PSG11: variants seen among roughly 807,000 people sequenced by gnomAD.
PSG11 encodes pregnancy-specific beta-1-glycoprotein 11.
PSG11 carries 42 observed loss-of-function variants against 36.0 expected under a neutral mutation model. The observed-to-expected ratio is 1.17, with a 90% CI of 0.91 to 1.51. The LOEUF is 1.51. Ranked by LOEUF, PSG11 falls within the 40% of genes most tolerant of loss-of-function variation. PSG11 has a pLI of 0.00. For synonymous variants in PSG11, 206 were observed against 153.5 expected, an observed-to-expected ratio of 1.34 and a Z score of -2.53; for missense variants, 558 against 403.5, an observed-to-expected ratio of 1.38 and a Z score of -3.28.
intron 1 of PSG11, among the ~76,000 whole-genome samples, chr19:43,025,895 G>A (rs2122839846): frequency 7.1e-6 from 1 of 139,940 alleles, no homozygotes; most frequent in Admixed American, 7.1e-5. Flanking sequence ...CCCTATCCAG[G>A]CATCAACAGG....
chr19:43,025,353 C>G, intron 1 of PSG11: 2 of 426,020 alleles, frequency 4.7e-6, no homozygotes, highest in South Asian at 6.1e-5. Context: ...GTCCGCATGG[C>G]CCCCTCCACA....
At chr19:43,020,060 C>G (rs1401482283) in intron 2 of PSG11, among the ~76,000 whole-genome samples, 1 of 151,260 alleles carries the variant, frequency 6.6e-6, no homozygotes, top group Non-Finnish European at 1.5e-5. Context: ...CAGAGTGAAT[C>G]AGAGTGTAGA....
rs764002808 is a variant in PSG11, at chr19:43,024,947, C to A, written c.174G>T (p.Leu58Phe). 3.1e-6 allele frequency: 5 copies of A among 1,611,780 alleles called. 1 individual carries two copies. The highest frequency in any genetic ancestry group is 4.2e-6 in the Non-Finnish European group (5 of 1,179,058). Residue 58 changes from leucine (L) to phenylalanine (F), a missense_variant, in exon 2 of 6, where the codon TTG becomes TTT. Transcript: ENST00000320078. The part of the protein sequence containing the change: ...GKDVLLLVHN[L>F]PQNLTGYIWY... ...AGATGTAGCCAGTAAGATTCTGGGGCAAATTGTGGACAAGTAGAAGAACAT... is the reference window on the plus strand; with the variant it reads ...AGATGTAGCCAGTAAGATTCTGGGGAAAATTGTGGACAAGTAGAAGAACAT...
At position 43,025,229 on chromosome 19, in the gene PSG11, T is replaced by C. The variant is rs1034428429; in HGVS notation, c.65-173A>G. Reference sequence around the variant, plus strand: ...GAAAAGGGGCATGTGTGTTTGTGTATGTGTATGTGTGTGTGTTCTACTGTC... The same window carrying C: ...GAAAAGGGGCATGTGTGTTTGTGTACGTGTATGTGTGTGTGTTCTACTGTC... On this transcript the variant is annotated intron_variant, in intron 1 of 5. Coordinates refer to ENST00000320078, the MANE Select transcript of PSG11 (RefSeq NM_002785.3). The C allele has an allele frequency of 4.6e-5, 53 of 1,158,710 alleles. 1 individual carries two copies. The highest frequency in any genetic ancestry group is 2.3e-4 in the Admixed American group (9 of 38,404). The allele number at this position is 1,158,710 out of a possible 1,614,324, so 71.8% of individuals were successfully genotyped here.
In PSG11 at chr19:43,015,375, A is replaced by G. The variant is rs752908500; in HGVS notation, c.710-5T>C. On this transcript the variant is annotated splice_region_variant and splice_polypyrimidine_tract_variant and intron_variant, in intron 3 of 5. Transcript: ENST00000320078. ...TTCTGGGGAGGTCTGGACCATCTGG[A>G]GGAAAGAGAATAAAGCCACAGTTGA... 2 of 1,606,448 alleles carry G rather than the reference A, an allele frequency of 1.2e-6. No homozygotes were observed. Among genetic ancestry groups the G allele is most frequent in the East Asian group, 4.5e-5 (2 of 44,756 alleles).
intron 2 of PSG11, chr19:43,024,424 G>T (rs904233977): frequency 9.1e-5 from 52 of 570,604 alleles, no homozygotes; most frequent in African/African-American, 2.9e-4. Context: ...GAGGTGCTTG[G>T]CTGAGACTGA....
At chr19:43,017,849 T>C (rs1196516729) in intron 3 of PSG11, among the ~76,000 whole-genome samples, 3 of 151,614 alleles carry the variant, frequency 2.0e-5, no homozygotes, top group African/African-American at 7.3e-5. Context: ...TATTCCAAAA[T>C]ATTTTATTCC....
At chr19:43,014,907 G>T in intron 4 of PSG11, 4 of 1,422,904 alleles carry the variant, frequency 2.8e-6, no homozygotes, top group Non-Finnish European at 1.9e-6. Flanking sequence ...CCTTTCTCAG[G>T]CCAGACACAA....
chr19:43,025,037 C>A lies in PSG11; in HGVS notation c.84G>T (p.Trp28Cys). Reference sequence around the variant, plus strand: ...TGACTTGGGCAGTGGTAGGCAAGTTCCAGAAGTTTAAAAGTAATGCTAGGA... The same window carrying A: ...TGACTTGGGCAGTGGTAGGCAAGTTACAGAAGTTTAAAAGTAATGCTAGGA... ...LLLTALLLNF[W>C]NLPTTAQVMI... Residue 28 changes from tryptophan (W) to cysteine (C), a missense_variant, in exon 2 of 6, where the codon TGG (tryptophan) becomes TGT (cysteine). Trp to Cys is a radical substitution (Grantham distance 215). Coordinates refer to ENST00000320078, the MANE Select transcript of PSG11 (RefSeq NM_002785.3). 6.2e-7 allele frequency: 1 copy of A among 1,610,270 alleles called. No homozygotes were observed. Among genetic ancestry groups the A allele is most frequent in the South Asian group, 1.1e-5 (1 of 90,776 alleles).
Position 43,018,964 on chromosome 19 carries a change from T to G in PSG11, c.515A>C (p.Glu172Ala). The G allele has an allele frequency of 6.2e-7, 1 of 1,612,122 alleles. No homozygotes were observed. Among genetic ancestry groups the G allele is most frequent in the South Asian group, 1.1e-5 (1 of 90,826 alleles). The change falls in exon 3 of 6, where the codon GAG (glutamate) becomes GCG (alanine). Residue 172 changes from glutamate (E) to alanine (A), a missense_variant. Transcript: ENST00000320078. ...METVILTCNPETPDASYLWWM... is the reference protein window; with the variant it reads ...METVILTCNPATPDASYLWWM... ...CCACAGGTAGCTTGCGTCCGGAGTC[T>G]CAGGATTACAGGTTAAGATCACAGT...
intron 2 of PSG11, among the ~76,000 whole-genome samples, chr19:43,024,095 CTGAG>C (rs1426334189): frequency 6.6e-6 from 1 of 151,366 alleles, no homozygotes; most frequent in African/African-American, 2.4e-5. Flanking sequence ...CCTCTCCACT[CTGAG>C]TGTCAGGTGA....
Position 43,015,114 on chromosome 19 carries a change from A to G in PSG11, c.964+2T>C. ...TTGCCAAGGATGCTGGGATCCACTT[A>G]CCAATGACTCTGATTGTCAAGGATG... is the stretch of plus-strand genomic sequence containing the variant. On this transcript the variant is annotated splice_donor_variant, in intron 4 of 5. Coordinates refer to ENST00000320078, the MANE Select transcript of PSG11 (RefSeq NM_002785.3). LOFTEE classifies it high-confidence loss of function. 1 of 1,611,940 alleles carries G rather than the reference A, an allele frequency of 6.2e-7. No homozygotes were observed. The highest frequency in any genetic ancestry group is 1.7e-4 in the Middle Eastern group (1 of 6,056).
At chr19:43,008,503 C>G (rs532047830) in intron 5 of PSG11, among the ~76,000 whole-genome samples, 1 of 151,218 alleles carries the variant, frequency 6.6e-6, no homozygotes, top group East Asian at 1.9e-4. Flanking sequence ...GTCTGGATCT[C>G]CTGACCTTAT....
intron 4 of PSG11, 160 bp downstream of exon 4, chr19:43,014,956 G>T: frequency 6.6e-7 from 1 of 1,523,540 alleles, no homozygotes; most frequent in Non-Finnish European, 8.8e-7. Context: ...GGAGAAGAGA[G>T]TCTGTAGAGA....
In PSG11 at chr19:43,015,987, A is replaced by G. The variant is rs760035440; in HGVS notation, c.710-617T>C. The G allele has an allele frequency of 3.1e-6, 5 of 1,610,132 alleles. 1 individual carries two copies. In the African/African-American group the frequency reaches 5.4e-5, roughly 17 times the overall value. On this transcript the variant is annotated intron_variant, in intron 3 of 5. Coordinates refer to ENST00000320078, the MANE Select transcript of PSG11 (RefSeq NM_002785.3). The stretch of plus-strand genomic sequence containing the variant: ...TAGGTTCACAGGTGAAGGTTAAGAC[A>G]TCCTTATTCTCCCTGGGGTTTAAGT...
At chr19:43,018,396 G>C in intron 3 of PSG11, 1 of 396,072 alleles carries the variant, frequency 2.5e-6, no homozygotes, top group Non-Finnish European at 4.8e-6. Flanking sequence ...AAAGTCACAG[G>C]TGACATTGTC....
intron 3 of PSG11, among the ~76,000 whole-genome samples, chr19:43,016,435 C>T (rs150742537): frequency 0.046 from 6,909 of 151,066 alleles, 770 homozygotes; most frequent in African/African-American, 0.16. Flanking sequence ...ACTTTGCCCC[C>T]CTAGATGTGA....
chr19:43,024,464 T>A, intron 2 of PSG11: 2 of 617,646 alleles, frequency 3.2e-6, no homozygotes, highest in Non-Finnish European at 5.7e-6. Flanking sequence ...CCCATCAGAC[T>A]GTCCTTCCTC....
chr19:43,026,207 C>G, intron 1 of PSG11, 102 bp downstream of exon 1: 1 of 1,539,482 alleles, frequency 6.5e-7, no homozygotes, highest in Non-Finnish European at 8.9e-7. Context: ...TCCCTAAATG[C>G]TGGCTTTTTT....
Sources: gnomAD v4.1 joint callset for allele counts (sites outside exome capture counted in the v4.1 genomes callset) on GRCh38, gnomAD v4.1.1 for gene constraint, MANE v1.5 for transcripts, NCBI Gene and HGNC (gene_info 2026-07-23, HGNC 2026-07-21) for gene names.